TMEM62: variants seen among roughly 807,000 people sequenced by gnomAD.
TMEM62 encodes the protein transmembrane protein 62.
A neutral mutation model predicts 70.4 loss-of-function variants in TMEM62; 41 were observed. That is an observed-to-expected ratio of 0.58 (90% CI 0.45 to 0.76). The LOEUF (loss-of-function observed/expected upper bound fraction) is 0.76. Among genes scored for constraint, TMEM62 ranks in the 30% least tolerant of loss-of-function variants. The pLI is 0.00. For synonymous variants in TMEM62, 268 were observed against 291.0 expected, an observed-to-expected ratio of 0.92 and a Z score of 0.80; for missense variants, 688 against 788.5, an observed-to-expected ratio of 0.87 and a Z score of 1.53.
chr15:43,138,225 G>T (rs1229693794), intron 3 of TMEM62, among the ~76,000 whole-genome samples: 1 of 152,118 alleles, frequency 6.6e-6, no homozygotes, highest in Non-Finnish European at 1.5e-5. Context: ...GAGGCTCAGT[G>T]GCCCTAGAGA....
chr15:43,182,353 C>A (rs567661907), intron 13 of TMEM62, among the ~76,000 whole-genome samples: 16 of 152,174 alleles, frequency 1.1e-4, no homozygotes, highest in Non-Finnish European at 1.6e-4. Context: ...AAGACTTCTG[C>A]CTAGCAAACA....
intron 1 of TMEM62, 86 bp downstream of exon 1, chr15:43,134,068 C>G: frequency 1.4e-6 from 2 of 1,436,168 alleles, no homozygotes; most frequent in Non-Finnish European, 1.8e-6. Context: ...GCCCCACGCT[C>G]CAGGCTGGGG....
chr15:43,134,798 GT>G (rs773767590), intron 2 of TMEM62, among the ~76,000 whole-genome samples: 122 of 152,214 alleles, frequency 8.0e-4, no homozygotes, highest in Admixed American at 1.2e-3. Context: ...GAGGCTTCCG[GT>G]GACCCAGGGC....
At chr15:43,141,040 C>T (rs1394716423) in intron 4 of TMEM62, among the ~76,000 whole-genome samples, 1 of 152,202 alleles carries the variant, frequency 6.6e-6, no homozygotes, top group Admixed American at 6.5e-5. Flanking sequence ...CCATCAAAGC[C>T]CAGTGATACT....
chr15:43,176,618 G>C (rs1326801900), intron 11 of TMEM62, among the ~76,000 whole-genome samples: 2 of 151,072 alleles, frequency 1.3e-5, no homozygotes, highest in Non-Finnish European at 2.9e-5. Flanking sequence ...ACCTGCAGCT[G>C]AGGGTCCTGT....
chr15:43,181,016 C>T (rs1195427021), intron 12 of TMEM62, 165 bp from the exon 13 acceptor site: 1 of 603,654 alleles, frequency 1.7e-6, no homozygotes, highest in Non-Finnish European at 3.0e-6. Flanking sequence ...GCAAGGATAT[C>T]AAGTACAACA....
chr15:43,133,629 G>C lies in TMEM62; in HGVS notation c.-174G>C, dbSNP rs1035508350. The C allele has an allele frequency of 2.4e-6, 1 of 419,640 alleles. No homozygotes were observed. The highest frequency in any genetic ancestry group is 4.0e-6 in the Non-Finnish European group (1 of 250,514). The allele number at this position is 419,640 out of a possible 1,614,324, so 26.0% of individuals were successfully genotyped here. ...GGGCAGGTGCTGGGCGGCGGCTGAC[G>C]GGCGCAGCACCCTAGGCCCAGTGTC... On this transcript the variant is annotated 5_prime_UTR_variant, in exon 1 of 14. Coordinates refer to ENST00000260403, the MANE Select transcript of TMEM62 (RefSeq NM_024956.4).
intron 4 of TMEM62, among the ~76,000 whole-genome samples, chr15:43,140,460 TC>T (rs1377728378): frequency 1.3e-5 from 2 of 152,028 alleles, no homozygotes; most frequent in Non-Finnish European, 2.9e-5. Flanking sequence ...CACATTGGGG[TC>T]CCCAAAGAGG....
chr15:43,179,672 T>C (rs1396096021), intron 12 of TMEM62: 1 of 152,244 alleles, frequency 6.6e-6, no homozygotes, highest in Non-Finnish European at 1.5e-5. Flanking sequence ...TTTTTGCTTA[T>C]GTTTCTTAGT....
intron 3 of TMEM62, among the ~76,000 whole-genome samples, chr15:43,137,916 G>A (rs1028485948): frequency 1.1e-4 from 16 of 152,124 alleles, no homozygotes; most frequent in African/African-American, 3.9e-4. Flanking sequence ...GTCATTCTCT[G>A]CCGGGCCTAC....
intron 10 of TMEM62, among the ~76,000 whole-genome samples, chr15:43,164,435 ATTTCTTT>A (rs2039131083): frequency 6.8e-6 from 1 of 147,348 alleles, no homozygotes; most frequent in Middle Eastern, 3.4e-3. Flanking sequence ...CCTTCAGATG[ATTTCTTT>A]TTTCTTTTCT....
chr15:43,163,781 C>A (rs372803806), intron 10 of TMEM62, among the ~76,000 whole-genome samples: 20 of 148,364 alleles, frequency 1.3e-4, no homozygotes, highest in South Asian at 2.1e-4. Flanking sequence ...GACTCCGTCT[C>A]AAAAAAAAAA....
chr15:43,146,693 G>T, intron 5 of TMEM62, 59 bp downstream of exon 5: 2 of 1,434,264 alleles, frequency 1.4e-6, no homozygotes, highest in Non-Finnish European at 9.4e-7. Flanking sequence ...GATACGTGTG[G>T]ATCACTTAAA....
chr15:43,147,775 T>C (rs1353338440), intron 5 of TMEM62, among the ~76,000 whole-genome samples: 1 of 152,226 alleles, frequency 6.6e-6, no homozygotes, highest in African/African-American at 2.4e-5. Context: ...ATAGTGTTTT[T>C]TAAAGGTAGA....
chr15:43,138,150 A>T (rs1009467068), intron 3 of TMEM62, among the ~76,000 whole-genome samples: 13 of 152,142 alleles, frequency 8.5e-5, no homozygotes, highest in African/African-American at 2.9e-4. Flanking sequence ...AGGGTCTAGA[A>T]CTTGGAGCCT....
chr15:43,149,921 G>C (rs958825731), intron 7 of TMEM62, among the ~76,000 whole-genome samples: 17 of 152,128 alleles, frequency 1.1e-4, no homozygotes, highest in South Asian at 6.2e-4. Context: ...GAGAAAATAT[G>C]TTTATCAAAA....
Position 43,184,976 on chromosome 15 carries a change from A to C in TMEM62, c.*390A>C. 2 of 257,258 alleles carry C rather than the reference A, an allele frequency of 7.8e-6. No homozygotes were observed. Among genetic ancestry groups the C allele is most frequent in the Non-Finnish European group, 1.5e-5 (2 of 132,714 alleles). 15.9% of individuals were successfully genotyped at this position (257,258 alleles called of 1,614,324 possible). On this transcript the variant is annotated 3_prime_UTR_variant, in exon 14 of 14. Transcript: ENST00000260403. ...TGTGCTTGGAATTCAGCAGCTGTCA[A>C]AGGTGCAATTTCAGGGGCAGGGAAC...
rs1204034374 is a variant in TMEM62 at position 43,168,144 on chromosome 15, A to AGAGAGGGAGAGG, written c.1297-1432_1297-1421dup. Among the ~76,000 whole-genome samples, 4 of 88,304 alleles carry AGAGAGGGAGAGG rather than the reference A, an allele frequency of 4.5e-5. No individual in the cohort carries two copies. In the East Asian group the frequency reaches 1.1e-3, roughly 25 times the overall value. The allele number at this position is 88,304 out of a possible 152,430, so 57.9% of individuals were successfully genotyped here. On this transcript the variant is annotated intron_variant, in intron 10 of 13. Coordinates refer to ENST00000260403, the MANE Select transcript of TMEM62 (RefSeq NM_024956.4). ...AGAGGGAGAGGGAGACCGTGGGGAG[A>AGAGAGGGAGAGG]GAGAGGGAGAGGGAGAGGGAGAGGG...
rs137880408 is a variant in TMEM62 at position 43,160,567 on chromosome 15, CAAT to C, written c.1183-111_1183-109del. 1,189 of 612,788 alleles carry C rather than the reference CAAT, an allele frequency of 1.9e-3. 13 individuals are homozygous for C. The highest frequency in any genetic ancestry group is 0.018 in the African/African-American group (947 of 52,366). The allele number at this position is 612,788 out of a possible 1,614,324, so 38.0% of individuals were successfully genotyped here. On this transcript the variant is annotated intron_variant, in intron 9 of 13. Coordinates refer to ENST00000260403, the MANE Select transcript of TMEM62 (RefSeq NM_024956.4). ...AAAACAACAACAACAACAACAACAA[CAAT>C]AACAACAACAACAAAGTGTAGTTAT...
Sources: allele counts gnomAD v4.1 joint callset (sites outside exome capture counted in the v4.1 genomes callset), GRCh38; gene constraint gnomAD v4.1.1; transcripts MANE v1.5; gene names NCBI Gene and HGNC (gene_info 2026-07-23, HGNC 2026-07-21).